Variants in MEX3C observed in about 807,000 individuals in gnomAD.
MEX3C encodes RNA-binding E3 ubiquitin-protein ligase MEX3C.
A neutral mutation model predicts 35.5 loss-of-function variants in MEX3C; 15 were observed. The observed-to-expected ratio is 0.42, with a 90% CI of 0.28 to 0.65. The LOEUF (loss-of-function observed/expected upper bound fraction) is 0.65. Ranked by LOEUF, MEX3C falls within the 30% of genes least tolerant of loss-of-function variation. The pLI is 0.20. For missense variants in MEX3C, 711 were observed against 842.8 expected (o/e 0.84, Z 1.94); for synonymous variants, 390 against 352.8 (o/e 1.11, Z -1.18).
rs753874126 is a variant in MEX3C, at chr18:51,176,814, G to A, written c.1517C>T (p.Ala506Val). Residue 506 changes from alanine (A) to valine (V), a missense_variant, in exon 2 of 2, where the codon GCT (alanine) becomes GTT (valine). By Grantham distance (64) the Ala-to-Val change is moderately conservative. Coordinates refer to ENST00000406189, the MANE Select transcript of MEX3C (RefSeq NM_016626.5). ...TTCAAATGGAGTCCAGATAGTTTGAGCAGATGTTGGTAAAGAGTCAAAGGC... is the reference window on the plus strand; with the variant it reads ...TTCAAATGGAGTCCAGATAGTTTGAACAGATGTTGGTAAAGAGTCAAAGGC... ...SPAFDSLPTS[A>V]QTIWTPFEPV... 6.2e-7 allele frequency: 1 copy of A among 1,613,994 alleles called. No individual in the cohort carries two copies. The highest frequency in any genetic ancestry group is 1.1e-5 in the South Asian group (1 of 91,082).
chr18:51,192,639 C>T (rs1912676421), intron 1 of MEX3C, among the ~76,000 whole-genome samples: 1 of 152,144 alleles, frequency 6.6e-6, no homozygotes, highest in Admixed American at 6.5e-5. Flanking sequence ...CAAGTTAATC[C>T]AAAATACTAA....
intron 1 of MEX3C, among the ~76,000 whole-genome samples, chr18:51,181,757 G>C (rs554645758): frequency 5.3e-5 from 8 of 152,226 alleles, no homozygotes; most frequent in African/African-American, 1.9e-4. Flanking sequence ...GTTGACCTAG[G>C]GGGACAGGGA....
In MEX3C at chr18:51,174,798, A is replaced by C. The variant is rs1912262117; in HGVS notation, c.*1553T>G. 1 of 152,676 alleles carries C rather than the reference A, an allele frequency of 6.5e-6. No individual in the cohort carries two copies. Among genetic ancestry groups the C allele is most frequent in the African/African-American group, 2.4e-5 (1 of 41,460 alleles). The allele number at this position is 152,676 out of a possible 1,614,324, so 9.5% of individuals were successfully genotyped here. ...AAATACTAAACTATATTGATAATTT[A>C]TCATTCTTAGTTTGTGGTTTTTAGA... On this transcript the variant is annotated 3_prime_UTR_variant, in exon 2 of 2. Transcript: ENST00000406189.
At chr18:51,184,009 A>AT (rs201406215) in intron 1 of MEX3C, among the ~76,000 whole-genome samples, 10 of 149,462 alleles carry the variant, frequency 6.7e-5, no homozygotes, top group East Asian at 2.0e-4. Flanking sequence ...TCTTAAAAAA[A>AT]TTTTTTTTTT....
rs1274771120 is a variant in MEX3C at position 51,196,924 on chromosome 18, C to T, written c.397G>A (p.Ala133Thr). 5 of 1,544,066 alleles carry T rather than the reference C, an allele frequency of 3.2e-6. No homozygotes were observed. Among genetic ancestry groups the T allele is most frequent in the Non-Finnish European group, 4.4e-6 (5 of 1,146,048 alleles). Residue 133 changes from alanine to threonine, a missense_variant, in exon 1 of 2, where the codon GCA becomes ACA. This residue lies in a region of MEX3C where 354 missense variants were observed against 311.6 expected (regional missense o/e 1.14). Transcript: ENST00000406189. Reference sequence around the variant, plus strand: ...AGCGACGACCGGTCCTCCTCCTCTGCTTCCTCCAGCTCCTCCTCCTCCAGC... The same window carrying T: ...AGCGACGACCGGTCCTCCTCCTCTGTTTCCTCCAGCTCCTCCTCCTCCAGC... ...DLLEEEELEE[A>T]EEEDRSSLLL...
intron 1 of MEX3C, chr18:51,196,105 G>A (rs947157026): frequency 5.8e-5 from 11 of 189,048 alleles, no homozygotes; most frequent in African/African-American, 1.9e-4. Context: ...TCTGTCTACA[G>A]GCCTCCATTT....
At chr18:51,184,473 C>T (rs1283247685) in intron 1 of MEX3C, among the ~76,000 whole-genome samples, 1 of 152,126 alleles carries the variant, frequency 6.6e-6, no homozygotes, top group Non-Finnish European at 1.5e-5. Flanking sequence ...ATCACTGCCC[C>T]AAGAGAGGAG....
In MEX3C at chr18:51,177,659, A is replaced by G; in HGVS notation, c.755-83T>C. 2.8e-6 allele frequency: 4 copies of G among 1,426,184 alleles called. No homozygotes were observed. Among genetic ancestry groups the G allele is most frequent in the Non-Finnish European group, 3.8e-6 (4 of 1,064,308 alleles). 88.3% of individuals were successfully genotyped at this position (1,426,184 alleles called of 1,614,324 possible). On this transcript the variant is annotated intron_variant, in intron 1 of 1. Coordinates refer to ENST00000406189, the MANE Select transcript of MEX3C (RefSeq NM_016626.5). This position sits in a 1 kb window ranked among gnomAD's most constrained non-coding sequence, Gnocchi z 4.2. Reference sequence around the variant, plus strand: ...GACAAATCACAGAATGCACCTTTTAAGCTAAATATCTGGTTATGGGTTAAG... The same window carrying G: ...GACAAATCACAGAATGCACCTTTTAGGCTAAATATCTGGTTATGGGTTAAG...
rs761230512 is a variant in MEX3C at position 51,196,527 on chromosome 18, G to C, written c.754+40C>G. On this transcript the variant is annotated intron_variant, in intron 1 of 1. Coordinates refer to ENST00000406189, the MANE Select transcript of MEX3C (RefSeq NM_016626.5). ...TTCTCTCGTCTCCCCACCCACGCCCGGGGCCATGCCCAGCTGGACCTCCCC... is the reference window on the plus strand; with the variant it reads ...TTCTCTCGTCTCCCCACCCACGCCCCGGGCCATGCCCAGCTGGACCTCCCC... The C allele has an allele frequency of 9.8e-6, 15 of 1,530,858 alleles. No homozygotes were observed. In the African/African-American group the frequency reaches 1.8e-4, roughly 18 times the overall value. The allele number at this position is 1,530,858 out of a possible 1,614,324, so 94.8% of individuals were successfully genotyped here.
At chr18:51,194,322 A>G (rs1912726353) in intron 1 of MEX3C, 1 of 152,166 alleles carries the variant, frequency 6.6e-6, no homozygotes. Flanking sequence ...AGTATTGTCA[A>G]CTCTGGGAAA....
At chr18:51,184,009 ATTT>A (rs201406215) in intron 1 of MEX3C, among the ~76,000 whole-genome samples, 1 of 149,376 alleles carries the variant, frequency 6.7e-6, no homozygotes, top group Admixed American at 6.7e-5. Flanking sequence ...TCTTAAAAAA[ATTT>A]TTTTTTTTCC....
intron 1 of MEX3C, among the ~76,000 whole-genome samples, chr18:51,188,497 C>G (rs897460105): frequency 6.6e-6 from 1 of 151,846 alleles, no homozygotes; most frequent in African/African-American, 2.4e-5. Context: ...ACTTACCGTC[C>G]CAGCTACTGG....
At chr18:51,179,975 T>G (rs1490729444) in intron 1 of MEX3C, among the ~76,000 whole-genome samples, 1 of 152,060 alleles carries the variant, frequency 6.6e-6, no homozygotes, top group Non-Finnish European at 1.5e-5. Flanking sequence ...ACAGACAATA[T>G]TCTGCAGAAA....
intron 1 of MEX3C, chr18:51,196,280 C>T (rs1912784488): frequency 3.5e-6 from 2 of 578,462 alleles, no homozygotes; most frequent in South Asian, 2.5e-5. Context: ...TCTGGTGCCA[C>T]GCCAGCCTGG....
chr18:51,197,501 G>A lies in MEX3C; in HGVS notation c.-181C>T, dbSNP rs2144564382. Reference sequence around the variant, plus strand: ...GGCCGCCCGGAGACCGGAGAGGGCGGGGTGGAGGGGCAGGGGAAGGAGGCA... The same window carrying A: ...GGCCGCCCGGAGACCGGAGAGGGCGAGGTGGAGGGGCAGGGGAAGGAGGCA... On this transcript the variant is annotated 5_prime_UTR_variant, in exon 1 of 2. Coordinates refer to ENST00000406189, the MANE Select transcript of MEX3C (RefSeq NM_016626.5). Among the ~76,000 whole-genome samples the A allele has an allele frequency of 6.6e-6, 1 of 150,672 alleles. No individual in the cohort carries two copies. The highest frequency in any genetic ancestry group is 2.1e-4 in the South Asian group (1 of 4,772).
Position 51,197,202 on chromosome 18 carries a change from T to G in MEX3C, c.119A>C (p.Glu40Ala). 1 of 1,016,252 alleles carries G rather than the reference T, an allele frequency of 9.8e-7. No homozygotes were observed. Among genetic ancestry groups the G allele is most frequent in the Non-Finnish European group, 1.2e-6 (1 of 852,980 alleles). 63.0% of individuals were successfully genotyped at this position (1,016,252 alleles called of 1,614,324 possible). The change falls in exon 1 of 2, where the codon GAG becomes GCG. Residue 40 changes from glutamate to alanine, a missense_variant. By Grantham distance (107) the Glu-to-Ala change is moderately radical. This residue lies in a region of MEX3C where 354 missense variants were observed against 311.6 expected (regional missense o/e 1.14). Coordinates refer to ENST00000406189, the MANE Select transcript of MEX3C (RefSeq NM_016626.5). Reference sequence around the variant, plus strand: ...CAGCAGGAGCCCGTCCCCCTCGAGCTCCGGGCCGCCCGAGGGCGGCGGCAG... The same window carrying G: ...CAGCAGGAGCCCGTCCCCCTCGAGCGCCGGGCCGCCCGAGGGCGGCGGCAG... ...PPLPPPSGGP[E>A]LEGDGLLLRE... is the part of the protein sequence containing the mutation.
intron 1 of MEX3C, among the ~76,000 whole-genome samples, chr18:51,178,778 C>T (rs1345739150): frequency 1.5e-4 from 22 of 150,800 alleles, no homozygotes; most frequent in African/African-American, 4.1e-4. Flanking sequence ...AAGAATTGCT[C>T]GAACCCGGGG....
At chr18:51,196,281 G>C in intron 1 of MEX3C, 1 of 571,888 alleles carries the variant, frequency 1.7e-6, no homozygotes, top group Non-Finnish European at 2.8e-6. Flanking sequence ...CTGGTGCCAC[G>C]CCAGCCTGGT....
chr18:51,188,234 C>G (rs1032829863), intron 1 of MEX3C, among the ~76,000 whole-genome samples: 3 of 152,098 alleles, frequency 2.0e-5, no homozygotes, highest in Admixed American at 2.0e-4. Flanking sequence ...ACATTTAATG[C>G]CTTCAATCAA....
Sources: gnomAD v4.1 joint callset for allele counts (sites outside exome capture counted in the v4.1 genomes callset) on GRCh38, gnomAD v4.1.1 for gene constraint, gnomAD v4.1.1 regional missense constraint, Gnocchi (gnomAD v3.1) non-coding constraint, MANE v1.5 for transcripts, NCBI Gene and HGNC (gene_info 2026-07-23, HGNC 2026-07-21) for gene names.